Variants in RYR3 observed in about 807,000 individuals in gnomAD.
The protein encoded by RYR3 is ryanodine receptor 3, also known as brain ryanodine receptor-calcium release channel.
A neutral mutation model predicts 584.3 loss-of-function variants in RYR3; 207 were observed. The ratio of observed to expected loss-of-function variants is 0.35; its 90% CI spans 0.32 to 0.40. The LOEUF is 0.40. RYR3 is among the 10% of genes least tolerant of loss of function. RYR3 has a pLI of 1.00. For missense variants in RYR3, 5,616 were observed against 6,089.2 expected (o/e 0.92, Z 2.59); for synonymous variants, 2,416 against 2,248.5 (o/e 1.07, Z -2.11).
In RYR3 at chr15:33,810,670, G is replaced by C. The variant is rs769561147; in HGVS notation, c.10197+21G>C. 3.5e-5 allele frequency: 57 copies of C among 1,613,722 alleles called. No individual in the cohort carries two copies. The East Asian group carries it at 1.2e-3, about 35-fold the overall frequency. On this transcript the variant is annotated intron_variant, in intron 71 of 103. Transcript: ENST00000634891. The stretch of plus-strand genomic sequence containing the variant: ...GCCATGTAAGCTGCCCGTCTGCCTG[G>C]GCTGAGTGTGTGATCCACATGGTGC...
At chr15:33,805,773 G>C (rs894240848) in intron 69 of RYR3, among the ~76,000 whole-genome samples, 2 of 151,988 alleles carry the variant, frequency 1.3e-5, no homozygotes, top group Non-Finnish European at 2.9e-5. Context: ...CACCACACCC[G>C]GCCTTCTCTT....
chr15:33,348,113 A>G (rs139721822), intron 1 of RYR3, among the ~76,000 whole-genome samples: 1 of 152,178 alleles, frequency 6.6e-6, no homozygotes, highest in Non-Finnish European at 1.5e-5. Context: ...ACATTATCAC[A>G]TGGATTATTC....
intron 1 of RYR3, among the ~76,000 whole-genome samples, chr15:33,359,083 C>T (rs1206446310): frequency 6.6e-6 from 1 of 152,194 alleles, no homozygotes; most frequent in African/African-American, 2.4e-5. Context: ...TCCACTGTTA[C>T]ACCCTAGTTT....
At chr15:33,357,947 A>G (rs1012821107) in intron 1 of RYR3, among the ~76,000 whole-genome samples, 25 of 152,246 alleles carry the variant, frequency 1.6e-4, no homozygotes, top group Admixed American at 1.2e-3. Context: ...CCAAACTCTT[A>G]CAGCAGTGTA....
At chr15:33,341,554 A>T (rs900131341) in intron 1 of RYR3, among the ~76,000 whole-genome samples, 4 of 152,154 alleles carry the variant, frequency 2.6e-5, no homozygotes, top group Admixed American at 2.0e-4. Context: ...AATAGATCTG[A>T]GTGGCTGTTT....
At chr15:33,660,598 G>T (rs1227600603) in intron 34 of RYR3, among the ~76,000 whole-genome samples, 175 bp downstream of exon 34, 1 of 152,240 alleles carries the variant, frequency 6.6e-6, no homozygotes, top group Non-Finnish European at 1.5e-5. Flanking sequence ...CTCAGAAACA[G>T]CAGGAAACAC....
At chr15:33,864,352 G>A (rs1157450095) in intron 103 of RYR3, among the ~76,000 whole-genome samples, 163 bp downstream of exon 103, 3 of 151,838 alleles carry the variant, frequency 2.0e-5, no homozygotes, top group East Asian at 3.8e-4. Flanking sequence ...AAGTCCTCCT[G>A]TTTATCCTTC....
At chr15:33,508,378 G>A (rs1387918615) in intron 3 of RYR3, among the ~76,000 whole-genome samples, 1 of 152,054 alleles carries the variant, frequency 6.6e-6, no homozygotes, top group Non-Finnish European at 1.5e-5. Flanking sequence ...GGCTGGGCGT[G>A]GTGGCTCACA....
rs556467602 is a variant in RYR3 at position 33,770,356 on chromosome 15, G to A, written c.8816+1184G>A. The stretch of plus-strand genomic sequence containing the variant: ...TTGGGAAAAGTCTTGAGAGAGTCCA[G>A]TTTTTTGTTTGTTTGTTTTATTTTG... On this transcript the variant is annotated intron_variant, in intron 62 of 103. Transcript: ENST00000634891. Among the ~76,000 whole-genome samples, 13 of 152,310 alleles carry A rather than the reference G, an allele frequency of 8.5e-5. No individual in the cohort carries two copies. The South Asian group carries it at 1.9e-3, about 22-fold the overall frequency.
intron 64 of RYR3, among the ~76,000 whole-genome samples, chr15:33,775,107 C>T (rs2073905466): frequency 1.3e-5 from 2 of 151,530 alleles, no homozygotes; most frequent in Non-Finnish European, 2.9e-5. Context: ...GACTTTCTAT[C>T]CTTTATTCAT....
chr15:33,336,440 AAGAGAGAGAGAGAGAGAG>A lies in RYR3; in HGVS notation c.51+25374_51+25391del, dbSNP rs1204873404. Among the ~76,000 whole-genome samples, 5 of 12,142 alleles carry A rather than the reference AAGAGAGAGAGAGAGAGAG, an allele frequency of 4.1e-4. 2 individuals are homozygous for A. Among genetic ancestry groups the A allele is most frequent in the Non-Finnish European group, 6.1e-4 (5 of 8,190 alleles). The allele number at this position is 12,142 out of a possible 152,430, so 8.0% of individuals were successfully genotyped here. A position where few individuals can be genotyped will look rare whatever the true frequency, so the allele number is the denominator to read the frequency against. On this transcript the variant is annotated intron_variant, in intron 1 of 103. Coordinates refer to ENST00000634891, the MANE Select transcript of RYR3 (RefSeq NM_001036.6). ...GACGAAAGAAAGAAAGAAAGAAAGA[AAGAGAGAGAGAGAGAGAG>A]AGAGAGAGAGAGAGAGAGAGAGAGA... is the stretch of plus-strand genomic sequence containing the variant.
chr15:33,667,382 A>T (rs1483284456), intron 36 of RYR3, among the ~76,000 whole-genome samples: 1 of 152,216 alleles, frequency 6.6e-6, no homozygotes, highest in African/African-American at 2.4e-5. Flanking sequence ...ATTTTCACTG[A>T]TCTCTGATAG....
At position 33,757,586 on chromosome 15, in the gene RYR3, A is replaced by C; in HGVS notation, c.8695A>C (p.Met2899Leu). The C allele has an allele frequency of 6.2e-7, 1 of 1,610,740 alleles. No homozygotes were observed. The highest frequency in any genetic ancestry group is 1.1e-5 in the South Asian group (1 of 89,842). Residue 2899 changes from methionine to leucine, a missense_variant, in exon 60 of 104, where the codon ATG becomes CTG. Coordinates refer to ENST00000634891, the MANE Select transcript of RYR3 (RefSeq NM_001036.6). Reference sequence around the variant, plus strand: ...ATATGCCTCCCATAAGGAGAAAGAAATGGTGGCCGGGTGAGTCTACAAGAT... The same window carrying C: ...ATATGCCTCCCATAAGGAGAAAGAACTGGTGGCCGGGTGAGTCTACAAGAT... Reference protein sequence around the residue: ...SGYASHKEKEMVAGLFCKLAA... With the variant: ...SGYASHKEKELVAGLFCKLAA...
In RYR3 at chr15:33,647,420, C is replaced by G; in HGVS notation, c.3942-4C>G. ...AACTAAAACATGGATTATCTTTCCC[C>G]CAGGAAACAGATGCAAGAAATACTC... On this transcript the variant is annotated splice_polypyrimidine_tract_variant and splice_region_variant and intron_variant, in intron 29 of 103. Coordinates refer to ENST00000634891, the MANE Select transcript of RYR3 (RefSeq NM_001036.6). The G allele has an allele frequency of 6.2e-7, 1 of 1,606,508 alleles. No homozygotes were observed. The highest frequency in any genetic ancestry group is 8.5e-7 in the Non-Finnish European group (1 of 1,173,420).
rs1246828590 is a variant in RYR3 at position 33,788,426 on chromosome 15, C to T, written c.9798C>T (p.Tyr3266=). 6.2e-7 allele frequency: 1 copy of T among 1,613,824 alleles called. No homozygotes were observed. Among genetic ancestry groups the T allele is most frequent in the African/African-American group, 1.3e-5 (1 of 74,920 alleles). The change falls in exon 67 of 104, where the codon TAC becomes TAT. Residue 3266 remains tyrosine, a synonymous_variant. Transcript: ENST00000634891. ...TCTGCAGAGATCTCTATGCCTTCTACCCCATGCTGATCCGCTACGTGGACA... is the reference window on the plus strand; with the variant it reads ...TCTGCAGAGATCTCTATGCCTTCTATCCCATGCTGATCCGCTACGTGGACA... ...AVLCRDLYAF[Y]PMLIRYVDNN...
intron 66 of RYR3, among the ~76,000 whole-genome samples, chr15:33,786,652 G>A (rs528511513): frequency 6.6e-6 from 1 of 152,252 alleles, no homozygotes; most frequent in South Asian, 2.1e-4. Context: ...TGTGTCCTCT[G>A]TGTCAAACTA....
At chr15:33,724,280 A>T (rs2068180910) in intron 45 of RYR3, 104 bp downstream of exon 45, 3 of 671,184 alleles carry the variant, frequency 4.5e-6, no homozygotes, top group Non-Finnish European at 7.6e-6. Flanking sequence ...ATTTGCTAAC[A>T]TGCCTTTTTC....
chr15:33,771,372 A>G (rs2073559052), intron 62 of RYR3, among the ~76,000 whole-genome samples: 1 of 152,236 alleles, frequency 6.6e-6, no homozygotes, highest in South Asian at 2.1e-4. Context: ...CGTCTCTACT[A>G]AAAATACAAA....
At chr15:33,716,446 A>G (rs939568258) in intron 43 of RYR3, among the ~76,000 whole-genome samples, 5 of 152,190 alleles carry the variant, frequency 3.3e-5, no homozygotes, top group Admixed American at 1.3e-4. Flanking sequence ...AAGGAAATCT[A>G]TCAGACAGGT....
Sources: allele counts gnomAD v4.1 joint callset (sites outside exome capture counted in the v4.1 genomes callset), GRCh38; gene constraint gnomAD v4.1.1; transcripts MANE v1.5; gene names NCBI Gene and HGNC (gene_info 2026-07-23, HGNC 2026-07-21).